The following SPTAN1 variants were observed in gnomAD, a reference collection of about 807,000 sequenced individuals.
SPTAN1 encodes spectrin alpha, non-erythrocytic 1, also known as spectrin alpha chain, non-erythrocytic 1.
A neutral mutation model predicts 331.3 loss-of-function variants in SPTAN1; 61 were observed. That is an observed-to-expected ratio of 0.18 (90% confidence interval 0.15 to 0.23). The LOEUF is 0.23. SPTAN1 is among the 10% of genes least tolerant of loss of function. The pLI is 1.00. For missense variants in SPTAN1, 2,043 were observed against 3,147.9 expected (o/e 0.65, Z 8.40); for synonymous variants, 1,153 against 1,173.9 (o/e 0.98, Z 0.36).
At chr9:128,556,327 T>C (rs1384872080) in intron 1 of SPTAN1, among the ~76,000 whole-genome samples, 3 of 152,110 alleles carry the variant, frequency 2.0e-5, no homozygotes, top group Non-Finnish European at 4.4e-5. Flanking sequence ...TATCTTGATA[T>C]CCCAAAATAA....
At chr9:128,565,842 A>G (rs747147414) in intron 1 of SPTAN1, among the ~76,000 whole-genome samples, 2 of 152,158 alleles carry the variant, frequency 1.3e-5, no homozygotes, top group Non-Finnish European at 2.9e-5. Context: ...TTCCTTAGTG[A>G]ACTCAAAAAC....
At chr9:128,587,731 G>C (rs1454503503) in intron 20 of SPTAN1, 33 bp downstream of exon 20, 11 of 1,600,656 alleles carry the variant, frequency 6.9e-6, no homozygotes, top group Non-Finnish European at 9.4e-6. Flanking sequence ...GTTACTGGAG[G>C]GAGGCCTTGA....
At chr9:128,581,182 A>G (rs750853937) in intron 11 of SPTAN1, 123 bp downstream of exon 11, 3 of 1,360,984 alleles carry the variant, frequency 2.2e-6, no homozygotes, top group Non-Finnish European at 3.0e-6. Flanking sequence ...TCCATTGAAG[A>G]GGGGGAATTG....
At chr9:128,626,263 G>A in intron 48 of SPTAN1, 128 bp from the exon 49 acceptor site, 1 of 1,198,948 alleles carries the variant, frequency 8.3e-7, no homozygotes, top group Admixed American at 1.7e-5. Flanking sequence ...AGGAGCAGAG[G>A]GGAGCTAAGC....
chr9:128,585,318 C>T (rs763048781), intron 18 of SPTAN1, among the ~76,000 whole-genome samples: 34 of 152,198 alleles, frequency 2.2e-4, no homozygotes, highest in Middle Eastern at 3.4e-3. Flanking sequence ...CATGAGCCAC[C>T]GCGCCTGGCT....
At position 128,618,989 on chromosome 9, in the gene SPTAN1, C is replaced by G; in HGVS notation, c.5719C>G (p.Leu1907Val). Residue 1907 changes from leucine to valine, a missense_variant, in exon 44 of 57, where the codon CTT becomes GTT. By Grantham distance (32) the Leu-to-Val change is conservative. This residue lies in a region of SPTAN1 where 323 missense variants were observed against 581.1 expected (regional missense o/e 0.56). Transcript: ENST00000372739. ...LVASEDYGDT[L>V]AAIQGLLKKH... ...GGCCAGCGAAGATTATGGCGACACT[C>G]TTGCCGCCATCCAGGTGAGACAGAA... 6.2e-7 allele frequency: 1 copy of G among 1,613,912 alleles called. No individual in the cohort carries two copies. Among genetic ancestry groups the G allele is most frequent in the Non-Finnish European group, 8.5e-7 (1 of 1,179,894 alleles).
At chr9:128,558,459 A>T (rs1183524447) in intron 1 of SPTAN1, among the ~76,000 whole-genome samples, 2 of 152,232 alleles carry the variant, frequency 1.3e-5, no homozygotes, top group East Asian at 3.8e-4. Context: ...TCTCTATGTG[A>T]ACAGACTTGA....
At position 128,632,315 on chromosome 9, in the gene SPTAN1, C is replaced by T. The variant is rs528967269; in HGVS notation, c.6951C>T (p.Ile2317=). 6.2e-7 allele frequency: 1 copy of T among 1,613,510 alleles called. No individual in the cohort carries two copies. The highest frequency in any genetic ancestry group is 2.2e-5 in the East Asian group (1 of 44,858). The change falls in exon 53 of 57, where the codon ATC becomes ATT. Residue 2317 remains isoleucine (I), a synonymous_variant. Transcript: ENST00000372739. ...MRMQHNLEQQ[I]QARNTTGVTE... Reference sequence around the variant, plus strand: ...TGCAGCACAACCTGGAGCAGCAGATCCAGGCCAGGTACCCGGGAGGGCTGT... The same window carrying T: ...TGCAGCACAACCTGGAGCAGCAGATTCAGGCCAGGTACCCGGGAGGGCTGT...
intron 49 of SPTAN1, 142 bp downstream of exon 49, chr9:128,626,829 G>A: frequency 9.8e-7 from 1 of 1,024,570 alleles, no homozygotes; most frequent in Non-Finnish European, 1.4e-6. Flanking sequence ...ATTTCTTTTT[G>A]TGTTCTTGAG....
chr9:128,609,810 T>G, intron 37 of SPTAN1, 145 bp downstream of exon 37: 1 of 566,156 alleles, frequency 1.8e-6, no homozygotes, highest in East Asian at 3.1e-5. Context: ...TCCATTACAC[T>G]CCATTCAAGT....
intron 52 of SPTAN1, among the ~76,000 whole-genome samples, chr9:128,630,955 C>T (rs937955864): frequency 4.6e-5 from 7 of 152,082 alleles, no homozygotes; most frequent in Non-Finnish European, 7.4e-5. Flanking sequence ...CTGATCTGCC[C>T]GCCTCGGCCT....
rs759648854 is a variant in SPTAN1 at position 128,632,494 on chromosome 9, G to A, written c.7013+10G>A. 1.7e-5 allele frequency: 27 copies of A among 1,614,090 alleles called. No individual in the cohort carries two copies. The highest frequency in any genetic ancestry group is 2.2e-5 in the South Asian group (2 of 91,094). Reference sequence around the variant, plus strand: ...TCAGCATGATGTTTAAGTGAGTTCAGCCTTACTCGCCCTGGCTGGGTGGGG... The same window carrying A: ...TCAGCATGATGTTTAAGTGAGTTCAACCTTACTCGCCCTGGCTGGGTGGGG... On this transcript the variant is annotated intron_variant, in intron 54 of 56. Transcript: ENST00000372739.
rs776704955 is a variant in SPTAN1 at position 128,633,218 on chromosome 9, C to G, written c.7318C>G (p.Arg2440Gly). The G allele has an allele frequency of 6.2e-7, 1 of 1,613,972 alleles. No individual in the cohort carries two copies. The highest frequency in any genetic ancestry group is 8.5e-7 in the Non-Finnish European group (1 of 1,180,018). ...TKEELYQNLT[R>G]EQADYCVSHM... ...ATCTCTTACCCCACAGAACCTGACCCGGGAACAAGCCGACTACTGCGTCTC... is the reference window on the plus strand; with the variant it reads ...ATCTCTTACCCCACAGAACCTGACCGGGGAACAAGCCGACTACTGCGTCTC... The change falls in exon 57 of 57, where the codon CGG becomes GGG. Residue 2440 changes from arginine (R) to glycine (G), a missense_variant. By Grantham distance (125) the Arg-to-Gly change is moderately radical. This residue lies in a region of SPTAN1 where 88 missense variants were observed against 96.5 expected (regional missense o/e 0.91). Transcript: ENST00000372739.
chr9:128,593,209 C>G (rs1589252061), intron 23 of SPTAN1, 167 bp downstream of exon 23: 1 of 740,530 alleles, frequency 1.4e-6, no homozygotes, highest in Admixed American at 2.0e-5. Context: ...GGTCGCGGTG[C>G]AGCTGTGTCG....
At chr9:128,559,210 A>G (rs1848998432) in intron 1 of SPTAN1, among the ~76,000 whole-genome samples, 1 of 152,158 alleles carries the variant, frequency 6.6e-6, no homozygotes, top group African/African-American at 2.4e-5. Flanking sequence ...CACTTGGTAT[A>G]GAATTGACTC....
rs1180142279 is a variant in SPTAN1 at position 128,629,154 on chromosome 9, A to G, written c.6708-1167A>G. 2.5e-6 allele frequency: 1 copy of G among 398,514 alleles called. No homozygotes were observed. Among genetic ancestry groups the G allele is most frequent in the Non-Finnish European group, 4.4e-6 (1 of 226,166 alleles). 24.7% of individuals were successfully genotyped at this position (398,514 alleles called of 1,614,324 possible). Reference sequence around the variant, plus strand: ...GCATATCGTCGGGTCATTCGTGTCTATCAGTATGAAGTTGGGGATGATCTG... The same window carrying G: ...GCATATCGTCGGGTCATTCGTGTCTGTCAGTATGAAGTTGGGGATGATCTG... On this transcript the variant is annotated intron_variant, in intron 51 of 56. Transcript: ENST00000372739. This position sits in a 1 kb window ranked among gnomAD's most constrained non-coding sequence, Gnocchi z 4.9.
intron 40 of SPTAN1, among the ~76,000 whole-genome samples, chr9:128,614,590 A>C (rs955394347): frequency 4.3e-5 from 6 of 140,474 alleles, no homozygotes; most frequent in African/African-American, 1.5e-4. Context: ...ACTACGTCTC[A>C]AAAAAAAAAC....
At chr9:128,604,294 T>C (rs1212939793) in intron 28 of SPTAN1, 32 bp from the exon 29 acceptor site, 2 of 1,606,044 alleles carry the variant, frequency 1.2e-6, no homozygotes, top group Non-Finnish European at 1.7e-6. Flanking sequence ...GGAGAGGGAG[T>C]GCAGTGGAGC....
At chr9:128,632,368 AG>A in intron 53 of SPTAN1, 45 bp downstream of exon 53, 1 of 1,612,850 alleles carries the variant, frequency 6.2e-7, no homozygotes, top group Non-Finnish European at 8.5e-7. Context: ...GAGCAGGGGG[AG>A]GAAAAGACAC....
Sources: allele counts gnomAD v4.1 joint callset (sites outside exome capture counted in the v4.1 genomes callset), GRCh38; gene constraint gnomAD v4.1.1; regional missense constraint gnomAD v4.1.1; non-coding constraint Gnocchi (gnomAD v3.1); transcripts MANE v1.5; gene names NCBI Gene and HGNC (gene_info 2026-07-23, HGNC 2026-07-21).